The following LATS1 variants were observed in gnomAD, a reference collection of about 807,000 sequenced individuals.
LATS1 encodes large tumor suppressor kinase 1.
Under a neutral mutation model 106.6 loss-of-function variants are expected in LATS1, and 25 were observed. That is an observed-to-expected ratio of 0.23 (90% CI 0.17 to 0.33). The LOEUF (loss-of-function observed/expected upper bound fraction) is 0.33, where lower values mean the gene tolerates loss of function less well. Ranked by LOEUF, LATS1 falls within the 10% of genes least tolerant of loss-of-function variation. The probability of loss-of-function intolerance (pLI) is 1.00; values close to 1 mark genes in which losing one functional copy is unlikely to be tolerated. For missense variants in LATS1, 1,040 were observed against 1,382.6 expected, an observed-to-expected ratio of 0.75 and a Z score of 3.93; for synonymous variants, 465 against 455.6, an observed-to-expected ratio of 1.02 and a Z score of -0.26.
chr6:149,660,648 C>A lies in LATS1; in HGVS notation c.*1081G>T. The A allele has an allele frequency of 4.3e-6, 1 of 231,276 alleles. No individual in the cohort carries two copies. Among genetic ancestry groups the A allele is most frequent in the Non-Finnish European group, 8.6e-6 (1 of 116,956 alleles). 14.3% of individuals were successfully genotyped at this position (231,276 alleles called of 1,614,324 possible). A position where few individuals can be genotyped will look rare whatever the true frequency, so the allele number is the denominator to read the frequency against. On this transcript the variant is annotated 3_prime_UTR_variant, in exon 8 of 8. Transcript: ENST00000543571. ...AGGCATGTTGAACGCATTATTGAAC[C>A]TTAAATAAATTAGGAGGACTTGAAT...
intron 7 of LATS1, among the ~76,000 whole-genome samples, chr6:149,668,705 A>G (rs1007911235): frequency 5.3e-5 from 8 of 151,594 alleles, no homozygotes; most frequent in South Asian, 2.1e-4. Flanking sequence ...TCAGCCTCCC[A>G]AAGTGCTGGG....
chr6:149,700,215 C>A (rs974329961), intron 2 of LATS1, among the ~76,000 whole-genome samples: 6 of 152,142 alleles, frequency 3.9e-5, no homozygotes, highest in African/African-American at 1.4e-4. Flanking sequence ...GTGGCTCATG[C>A]CTGTAATCCC....
Position 149,684,417 on chromosome 6 carries a change from A to T in LATS1, c.672T>A (p.Val224=), listed in dbSNP as rs1782244180. ...TCTGTCCGTTGCTAGGGTGAGCTTG[A>T]ACAAATGCTGATATACCAGATCCAG... ...PLSGSGISAF[V]QAHPSNGQRV... The change falls in exon 4 of 8, where the codon GTT becomes GTA. Residue 224 remains valine, a synonymous_variant. Coordinates refer to ENST00000543571, the MANE Select transcript of LATS1 (RefSeq NM_004690.4). The T allele has an allele frequency of 6.2e-7, 1 of 1,613,988 alleles. No individual in the cohort carries two copies. The highest frequency in any genetic ancestry group is 8.5e-7 in the Non-Finnish European group (1 of 1,179,992).
chr6:149,703,390 G>C (rs1384620857), intron 1 of LATS1, among the ~76,000 whole-genome samples: 2 of 152,160 alleles, frequency 1.3e-5, no homozygotes, highest in Non-Finnish European at 2.9e-5. Flanking sequence ...TTGGATCTGT[G>C]TCCCCACCAA....
chr6:149,679,136 AAAT>A (rs1781893293), intron 5 of LATS1, among the ~76,000 whole-genome samples: 1 of 152,200 alleles, frequency 6.6e-6, no homozygotes, highest in African/African-American at 2.4e-5. Flanking sequence ...TAAAGTTCTG[AAAT>A]AATAATTATC....
In LATS1 at chr6:149,718,029, C is replaced by T. The variant is rs190555603; in HGVS notation, c.-321G>A. 4.5e-4 allele frequency: 155 copies of T among 345,708 alleles called. No individual in the cohort carries two copies. Among genetic ancestry groups the T allele is most frequent in the African/African-American group, 3.6e-3 (153 of 43,016 alleles). The allele number at this position is 345,708 out of a possible 1,614,324, so 21.4% of individuals were successfully genotyped here. Reference sequence around the variant, plus strand: ...GGGGTCGTGAGGACCTGGCTCTCCCCTTAACACCAGGCCACCGCCGCCGCC... The same window carrying T: ...GGGGTCGTGAGGACCTGGCTCTCCCTTTAACACCAGGCCACCGCCGCCGCC... On this transcript the variant is annotated 5_prime_UTR_variant, in exon 1 of 8. Transcript: ENST00000543571.
In LATS1 at chr6:149,684,587, C is replaced by T. The variant is rs573739233; in HGVS notation, c.502G>A (p.Val168Met). 13 of 1,590,402 alleles carry T rather than the reference C, an allele frequency of 8.2e-6. No homozygotes were observed. In the South Asian group the frequency reaches 1.4e-4, roughly 17 times the overall value. ...TGTTTGCGGTTAACTGATTGCTGCA[C>T]ATTCCCTATGGTTATAAGAGAGATA... ...PINASMKPGNVQQSVNRKQSW... is the reference protein window; with the variant it reads ...PINASMKPGNMQQSVNRKQSW... Residue 168 changes from valine to methionine, a missense_variant, in exon 4 of 8, where the codon GTG becomes ATG. This residue lies in a region of LATS1 where 624 missense variants were observed against 714.8 expected (regional missense o/e 0.87). Coordinates refer to ENST00000543571, the MANE Select transcript of LATS1 (RefSeq NM_004690.4).
At chr6:149,667,554 A>AG (rs1781223813) in intron 7 of LATS1, among the ~76,000 whole-genome samples, 1 of 152,088 alleles carries the variant, frequency 6.6e-6, no homozygotes, top group East Asian at 1.9e-4. Context: ...GTAGAACTTC[A>AG]GGAATCTGTG....
In LATS1 at chr6:149,679,981, AAT is replaced by A; in HGVS notation, c.2485_2486del (p.Ile829Ter). 1 of 1,613,852 alleles carries A rather than the reference AAT, an allele frequency of 6.2e-7. No individual in the cohort carries two copies. Among genetic ancestry groups the A allele is most frequent in the Non-Finnish European group, 8.5e-7 (1 of 1,179,728 alleles). On this transcript the variant is annotated frameshift_variant, in exon 5 of 8. Transcript: ENST00000543571. LOFTEE classifies it high-confidence loss of function. ...VHKMGFIHRD[I>X]KPDNILIDRD... is the part of the protein sequence containing the mutation. Reference sequence around the variant, plus strand: ...GATCAATCAAAATATTATCAGGTTTAATATCTCTATGAATAAAACCCATTTTA... The same window carrying A: ...GATCAATCAAAATATTATCAGGTTTAATCTCTATGAATAAAACCCATTTTA...
At chr6:149,708,999 G>A (rs924055603) in intron 1 of LATS1, among the ~76,000 whole-genome samples, 11 of 152,178 alleles carry the variant, frequency 7.2e-5, no homozygotes. Flanking sequence ...ACTAAAAAAA[G>A]GGGGAAGACA....
At chr6:149,689,332 AAGCCGATAAAGGT>A (rs2114864832) in intron 3 of LATS1, among the ~76,000 whole-genome samples, 1 of 151,916 alleles carries the variant, frequency 6.6e-6, no homozygotes, top group African/African-American at 2.4e-5. Context: ...GAAGAATAAG[AAGCCGATAAAGGT>A]AGAGGAGGAG....
At chr6:149,709,507 A>T (rs968306954) in intron 1 of LATS1, among the ~76,000 whole-genome samples, 1 of 152,076 alleles carries the variant, frequency 6.6e-6, no homozygotes, top group African/African-American at 2.4e-5. Flanking sequence ...ATCAACCCTG[A>T]TAAGAAACAT....
intron 3 of LATS1, among the ~76,000 whole-genome samples, chr6:149,691,976 C>T (rs1782784299): frequency 6.6e-6 from 1 of 152,132 alleles, no homozygotes. Flanking sequence ...ACTCCCATCC[C>T]TCTTAATTCA....
At position 149,676,757 on chromosome 6, in the gene LATS1, G is replaced by A. The variant is rs1582860925; in HGVS notation, c.2594-20C>T. 6.3e-7 allele frequency: 1 copy of A among 1,593,574 alleles called. No homozygotes were observed. The highest frequency in any genetic ancestry group is 2.2e-5 in the East Asian group (1 of 44,486). ...GGTCACCTGCACAACAAAAGAATAA[G>A]TAAATAAAGTCAACAATGACAACAG... On this transcript the variant is annotated intron_variant, in intron 5 of 7. Coordinates refer to ENST00000543571, the MANE Select transcript of LATS1 (RefSeq NM_004690.4).
chr6:149,661,909 AGGATGCTTTCCATTTTTATACCATCCATT>A lies in LATS1; in HGVS notation c.3184_3212del (p.Asn1062Ter). The A allele has an allele frequency of 6.2e-7, 1 of 1,614,002 alleles. No homozygotes were observed. Among genetic ancestry groups the A allele is most frequent in the South Asian group, 1.1e-5 (1 of 91,054 alleles). ...AGGTAAATTCATAGAATGCATGTTC[AGGATGCTTTCCATTTTTATACCATCCATT>A]GAGAGTGTCATTTACATTTTCTTCC... On this transcript the variant is annotated frameshift_variant, in exon 8 of 8. Coordinates refer to ENST00000543571, the MANE Select transcript of LATS1 (RefSeq NM_004690.4). LOFTEE classifies it high-confidence loss of function.
rs745424840 is a variant in LATS1, at chr6:149,707,011, CTTTTTTT to C, written c.-140-4752_-140-4746del. ...TCATAATACACAAAACTGGACATCTCTTTTTTTTTTTTTTTTTTTTTGAAGATGGAGT... is the reference window on the plus strand; with the variant it reads ...TCATAATACACAAAACTGGACATCTCTTTTTTTTTTTTTTGAAGATGGAGT... On this transcript the variant is annotated intron_variant, in intron 1 of 7. Transcript: ENST00000543571. 1.1e-3 allele frequency among the ~76,000 whole-genome samples: 118 copies of C among 110,428 alleles called. 1 individual carries two copies. Among genetic ancestry groups the C allele is most frequent in the Middle Eastern group, 5.2e-3 (1 of 192 alleles). 72.4% of individuals were successfully genotyped at this position (110,428 alleles called of 152,430 possible).
At chr6:149,676,211 G>T in intron 7 of LATS1, 49 bp downstream of exon 7, 1 of 1,252,250 alleles carries the variant, frequency 8.0e-7, no homozygotes, top group African/African-American at 1.5e-5. Context: ...AAAAGTCAAT[G>T]ATGTAGCAAC....
chr6:149,699,915 G>A (rs908276369), intron 2 of LATS1, among the ~76,000 whole-genome samples: 1 of 152,140 alleles, frequency 6.6e-6, no homozygotes, highest in Non-Finnish European at 1.5e-5. Flanking sequence ...TCTTTGCTTA[G>A]CAATATGTAA....
At chr6:149,688,632 T>C (rs1782541984) in intron 3 of LATS1, among the ~76,000 whole-genome samples, 1 of 152,054 alleles carries the variant, frequency 6.6e-6, no homozygotes, top group South Asian at 2.1e-4. Context: ...TTATTGTGCA[T>C]CAACTATATG....
Sources: allele counts gnomAD v4.1 joint callset (sites outside exome capture counted in the v4.1 genomes callset), GRCh38; gene constraint gnomAD v4.1.1; regional missense constraint gnomAD v4.1.1; transcripts MANE v1.5; gene names NCBI Gene and HGNC (gene_info 2026-07-23, HGNC 2026-07-21).